MAD1L1: variants seen among roughly 807,000 people sequenced by gnomAD.
The protein encoded by MAD1L1 is mitotic spindle assembly checkpoint protein MAD1.
In MAD1L1, 95 loss-of-function variants were observed where a neutral mutation model predicts 96.9. That is an observed-to-expected ratio of 0.98 (90% CI 0.83 to 1.16). The LOEUF (loss-of-function observed/expected upper bound fraction) is 1.16. MAD1L1 is among the 50% of genes most tolerant of loss of function. The pLI is 0.00. For synonymous variants in MAD1L1, 473 were observed against 396.6 expected (o/e 1.19, Z -2.29); for missense variants, 1,007 against 954.4 (o/e 1.06, Z -0.73).
At chr7:2,202,856 G>C (rs965017720) in intron 10 of MAD1L1, among the ~76,000 whole-genome samples, 26 of 152,264 alleles carry the variant, frequency 1.7e-4, no homozygotes, top group Middle Eastern at 3.4e-3. Flanking sequence ...CTCCTAATTG[G>C]CCTCACACAT....
chr7:1,908,959 T>C (rs542404445), intron 17 of MAD1L1, among the ~76,000 whole-genome samples: 3 of 152,320 alleles, frequency 2.0e-5, no homozygotes, highest in Admixed American at 2.0e-4. Context: ...CCTGCTGGAC[T>C]GTTTCTGGGA....
In MAD1L1 at chr7:1,939,025, G is replaced by A. The variant is rs546076030; in HGVS notation, c.1597-2128C>T. Among the ~76,000 whole-genome samples the A allele has an allele frequency of 3.0e-3, 290 of 95,944 alleles. 4 individuals carry two copies. The highest frequency in any genetic ancestry group is 0.013 in the African/African-American group (273 of 21,832). The allele number at this position is 95,944 out of a possible 152,430, so 62.9% of individuals were successfully genotyped here. ...CACACACACACACACACACACACAT[G>A]GGCCAGGGCTGGGGCCAGAGGCACA... On this transcript the variant is annotated intron_variant, in intron 16 of 18. Coordinates refer to ENST00000265854, the MANE Select transcript of MAD1L1 (RefSeq NM_001013836.2).
intron 18 of MAD1L1, among the ~76,000 whole-genome samples, chr7:1,837,980 C>G (rs770706411): frequency 1.3e-5 from 2 of 152,250 alleles, no homozygotes; most frequent in Non-Finnish European, 2.9e-5. Context: ...CCTGGTGAAA[C>G]ACGGCAGCGT....
At chr7:2,145,012 C>T (rs1043564541) in intron 11 of MAD1L1, among the ~76,000 whole-genome samples, 1 of 152,130 alleles carries the variant, frequency 6.6e-6, no homozygotes, top group African/African-American at 2.4e-5. Flanking sequence ...GTGGTTCTGA[C>T]CCAACCCCCA....
intron 17 of MAD1L1, among the ~76,000 whole-genome samples, chr7:1,906,548 T>C (rs1297597911): frequency 6.6e-6 from 1 of 152,386 alleles, no homozygotes; most frequent in Non-Finnish European, 1.5e-5. Context: ...CCGCATGCTC[T>C]TTTCCTGCAG....
At chr7:2,020,030 A>G (rs139280927) in intron 12 of MAD1L1, among the ~76,000 whole-genome samples, 79 of 152,358 alleles carry the variant, frequency 5.2e-4, no homozygotes, top group African/African-American at 1.8e-3. Context: ...TGATCTTCAG[A>G]ACCGCCAGGC....
chr7:1,827,434 G>C (rs55651714), intron 18 of MAD1L1, among the ~76,000 whole-genome samples: 40,831 of 106,002 alleles, frequency 0.39, 8,716 homozygotes, highest in Middle Eastern at 0.47. Context: ...TGAGCCCGTC[G>C]CGGGTGTGGG....
chr7:1,833,803 T>A (rs1782818187), intron 18 of MAD1L1, among the ~76,000 whole-genome samples: 1 of 152,068 alleles, frequency 6.6e-6, no homozygotes, highest in African/African-American at 2.4e-5. Flanking sequence ...TAGCCAGGCG[T>A]GGTGGCACGT....
intron 17 of MAD1L1, among the ~76,000 whole-genome samples, chr7:1,912,248 T>A (rs538594868): frequency 6.6e-6 from 1 of 152,120 alleles, no homozygotes; most frequent in Non-Finnish European, 1.5e-5. Flanking sequence ...GTCGACTGGA[T>A]GAAGGATGGC....
At chr7:2,217,885 G>T in intron 7 of MAD1L1, 77 bp downstream of exon 7, 1 of 1,242,036 alleles carries the variant, frequency 8.1e-7, no homozygotes, top group African/African-American at 1.5e-5. Flanking sequence ...CGGCACCAGC[G>T]CAGAAAGGCC....
chr7:2,157,225 G>C (rs1382787419), intron 10 of MAD1L1, among the ~76,000 whole-genome samples: 1 of 152,170 alleles, frequency 6.6e-6, no homozygotes, highest in Non-Finnish European at 1.5e-5. Context: ...GAAATCAATA[G>C]TAAGAAGGCG....
At chr7:1,924,912 G>A (rs1789007290) in intron 17 of MAD1L1, among the ~76,000 whole-genome samples, 1 of 152,012 alleles carries the variant, frequency 6.6e-6, no homozygotes. Context: ...GAAATGTTAA[G>A]CTTGCACATT....
chr7:1,976,880 G>A (rs908124936), intron 15 of MAD1L1, among the ~76,000 whole-genome samples: 1 of 152,050 alleles, frequency 6.6e-6, no homozygotes, highest in Non-Finnish European at 1.5e-5. Context: ...CCTTTAGCTA[G>A]ACATAAAAGC....
chr7:2,226,162 C>G (rs538079115), intron 3 of MAD1L1, among the ~76,000 whole-genome samples: 73 of 152,320 alleles, frequency 4.8e-4, no homozygotes, highest in African/African-American at 1.5e-3. Context: ...ATCAAGCCCA[C>G]CAGGGAGTGG....
In MAD1L1 at chr7:1,919,219, G is replaced by C. The variant is rs114345679; in HGVS notation, c.1807+17468C>G. ...GGAAGCTGAGATGCAGAGAGAAAAG[G>C]GTCCACCCAGACCCCCAACTGTTAC... On this transcript the variant is annotated intron_variant, in intron 17 of 18. Transcript: ENST00000265854. 3.3e-3 allele frequency among the ~76,000 whole-genome samples: 508 copies of C among 152,340 alleles called. 3 individuals carry two copies. Among genetic ancestry groups the C allele is most frequent in the African/African-American group, 0.012 (491 of 41,574 alleles).
intron 10 of MAD1L1, among the ~76,000 whole-genome samples, chr7:2,156,117 G>A (rs1480211352): frequency 2.0e-5 from 3 of 151,952 alleles, no homozygotes; most frequent in Admixed American, 6.5e-5. Flanking sequence ...CGCGTGTGGC[G>A]AGGGCAGCGG....
At chr7:1,995,155 G>A (rs575533641) in intron 14 of MAD1L1, among the ~76,000 whole-genome samples, 14 of 152,322 alleles carry the variant, frequency 9.2e-5, no homozygotes, top group African/African-American at 2.6e-4. Flanking sequence ...TAAAGCAAAG[G>A]TTGCTCCATG....
chr7:2,006,192 C>T (rs10252683), intron 13 of MAD1L1, among the ~76,000 whole-genome samples: 1 of 152,102 alleles, frequency 6.6e-6, no homozygotes, highest in Non-Finnish European at 1.5e-5. Context: ...AGAACACAGA[C>T]GAGCAGGCCC....
intron 11 of MAD1L1, among the ~76,000 whole-genome samples, chr7:2,141,790 G>C (rs527727834): frequency 6.6e-6 from 1 of 152,352 alleles, no homozygotes; most frequent in African/African-American, 2.4e-5. Flanking sequence ...ACTGCAGGCA[G>C]GTGCCGCACA....
Sources: gnomAD v4.1 joint callset for allele counts (sites outside exome capture counted in the v4.1 genomes callset) on GRCh38, gnomAD v4.1.1 for gene constraint, MANE v1.5 for transcripts, NCBI Gene and HGNC (gene_info 2026-07-23, HGNC 2026-07-21) for gene names.